LDB2: variants seen among roughly 807,000 people sequenced by gnomAD.
LDB2 encodes the protein LIM domain-binding protein 2.
Under a neutral mutation model 44.3 loss-of-function variants are expected in LDB2, and 12 were observed. That is an observed-to-expected ratio of 0.27 (90% CI 0.17 to 0.44). LDB2 has a LOEUF of 0.44. LDB2 is among the 20% of genes least tolerant of loss of function. The pLI, the probability that LDB2 is intolerant of heterozygous loss-of-function variation, is 1.00. For missense variants in LDB2, 344 were observed against 473.5 expected, an observed-to-expected ratio of 0.73 and a Z score of 2.54; for synonymous variants, 164 against 174.8, an observed-to-expected ratio of 0.94 and a Z score of 0.49.
At chr4:16,503,513 A>G (rs1186136193) in intron 7 of LDB2, among the ~76,000 whole-genome samples, 5 of 152,254 alleles carry the variant, frequency 3.3e-5, no homozygotes, top group Admixed American at 6.5e-5. Context: ...CGATAAAAAC[A>G]ATGTTCACAC....
At chr4:16,638,731 TG>T (rs1734307393) in intron 2 of LDB2, among the ~76,000 whole-genome samples, 1 of 152,198 alleles carries the variant, frequency 6.6e-6, no homozygotes, top group South Asian at 2.1e-4. Context: ...AGCACTGTGC[TG>T]GGTACTAGGA....
intron 2 of LDB2, among the ~76,000 whole-genome samples, chr4:16,621,211 A>G (rs1056878410): frequency 6.6e-6 from 1 of 152,220 alleles, no homozygotes; most frequent in Non-Finnish European, 1.5e-5. Flanking sequence ...TTCACAAACA[A>G]AAGCCAACTG....
intron 1 of LDB2, among the ~76,000 whole-genome samples, chr4:16,877,571 A>C (rs1580425221): frequency 6.6e-6 from 1 of 152,202 alleles, no homozygotes; most frequent in African/African-American, 2.4e-5. Flanking sequence ...AATTCTTGTC[A>C]CTGTTAGAGA....
intron 2 of LDB2, among the ~76,000 whole-genome samples, chr4:16,739,057 C>T (rs749581680): frequency 6.6e-6 from 1 of 152,030 alleles, no homozygotes; most frequent in Non-Finnish European, 1.5e-5. Flanking sequence ...AAAGAGAAGG[C>T]TTTTTCCAAT....
chr4:16,818,356 C>T (rs1403881153), intron 1 of LDB2, among the ~76,000 whole-genome samples: 1 of 152,176 alleles, frequency 6.6e-6, no homozygotes, highest in Non-Finnish European at 1.5e-5. Context: ...AGCCCCACTC[C>T]AGGCAGAACG....
At chr4:16,557,378 G>A (rs113388893) in intron 5 of LDB2, among the ~76,000 whole-genome samples, 3,478 of 152,286 alleles carry the variant, frequency 0.023, 60 homozygotes, top group Admixed American at 0.039. Context: ...CTTTTCCGAC[G>A]GGCTTAAAAA....
At chr4:16,592,503 TATAC>T (rs1471156306) in intron 3 of LDB2, among the ~76,000 whole-genome samples, 2 of 129,956 alleles carry the variant, frequency 1.5e-5, no homozygotes, top group African/African-American at 3.0e-5. Flanking sequence ...TATATATATA[TATAC>T]ACACACACAC....
chr4:16,684,272 C>T (rs992567663), intron 2 of LDB2, among the ~76,000 whole-genome samples: 6 of 152,144 alleles, frequency 3.9e-5, no homozygotes, highest in African/African-American at 1.2e-4. Context: ...AGTCATGACT[C>T]GAAGCAAGCT....
Position 16,569,718 on chromosome 4 carries a change from C to T in LDB2, c.615+16204G>A, listed in dbSNP as rs531112539. ...TCCAGCTGCTTGGCGTCAGTTTCCT[C>T]ATTTGCAGCATGGTATTTATTATTT... is the stretch of plus-strand genomic sequence containing the variant. On this transcript the variant is annotated intron_variant, in intron 5 of 7. Coordinates refer to ENST00000304523, the MANE Select transcript of LDB2 (RefSeq NM_001290.5). Among the ~76,000 whole-genome samples, 180 of 152,282 alleles carry T rather than the reference C, an allele frequency of 1.2e-3. 1 individual carries two copies. The highest frequency in any genetic ancestry group is 4.0e-3 in the African/African-American group (166 of 41,560).
Position 16,830,228 on chromosome 4 carries a change from A to T in LDB2, c.132+68126T>A, listed in dbSNP as rs150289316. Among the ~76,000 whole-genome samples the T allele has an allele frequency of 3.3e-5, 5 of 152,288 alleles. No homozygotes were observed. In the East Asian group the frequency reaches 9.7e-4, roughly 29 times the overall value. ...GTAATCCCCAGGTGTTGAGGGAGAG[A>T]CCTGGTGGGAGGTGATTGGATCATG... On this transcript the variant is annotated intron_variant, in intron 1 of 7. Coordinates refer to ENST00000304523, the MANE Select transcript of LDB2 (RefSeq NM_001290.5).
At chr4:16,798,598 G>GC (rs145320620) in intron 1 of LDB2, among the ~76,000 whole-genome samples, 1 of 152,106 alleles carries the variant, frequency 6.6e-6, no homozygotes, top group Non-Finnish European at 1.5e-5. Flanking sequence ...AGCTGAAAAT[G>GC]CCCCCCACCT....
intron 2 of LDB2, among the ~76,000 whole-genome samples, chr4:16,638,151 A>G (rs961924726): frequency 1.3e-5 from 2 of 152,228 alleles, no homozygotes; most frequent in South Asian, 4.1e-4. Flanking sequence ...ATGAGAATGC[A>G]AAGAAGGGAA....
At chr4:16,585,644 G>A (rs1421880867) in intron 5 of LDB2, among the ~76,000 whole-genome samples, 1 of 152,102 alleles carries the variant, frequency 6.6e-6, no homozygotes, top group Non-Finnish European at 1.5e-5. Context: ...CAGCCACAAA[G>A]CATTTTGCAA....
chr4:16,585,494 A>G (rs1716447099), intron 5 of LDB2, among the ~76,000 whole-genome samples: 2 of 152,184 alleles, frequency 1.3e-5, no homozygotes, highest in Admixed American at 1.3e-4. Flanking sequence ...TCTGTGTTTC[A>G]GCACGGGATT....
intron 1 of LDB2, among the ~76,000 whole-genome samples, chr4:16,882,536 T>C (rs1009714305): frequency 1.3e-5 from 2 of 152,144 alleles, no homozygotes; most frequent in African/African-American, 4.8e-5. Context: ...CTGGTATCCC[T>C]TCAAGGAGGT....
At chr4:16,570,199 C>T (rs1336859930) in intron 5 of LDB2, among the ~76,000 whole-genome samples, 3 of 152,186 alleles carry the variant, frequency 2.0e-5, no homozygotes, top group Admixed American at 6.6e-5. Context: ...CACAGTGACT[C>T]ATGCCTGTAA....
intron 2 of LDB2, among the ~76,000 whole-genome samples, chr4:16,698,439 T>A (rs1752686386): frequency 6.6e-6 from 1 of 152,200 alleles, no homozygotes; most frequent in African/African-American, 2.4e-5. Context: ...CAGGTCCCCA[T>A]TATGATCAAA....
At chr4:16,554,959 G>A (rs1738996628) in intron 5 of LDB2, among the ~76,000 whole-genome samples, 1 of 152,214 alleles carries the variant, frequency 6.6e-6, no homozygotes, top group Admixed American at 6.5e-5. Flanking sequence ...TCATTGATGT[G>A]ACAAATGTGC....
intron 2 of LDB2, among the ~76,000 whole-genome samples, chr4:16,638,336 T>C (rs1372385243): frequency 6.6e-6 from 1 of 152,218 alleles, no homozygotes; most frequent in Non-Finnish European, 1.5e-5. Flanking sequence ...GATGCATGTT[T>C]CTTACAAATG....
Sources: allele counts gnomAD v4.1 joint callset (sites outside exome capture counted in the v4.1 genomes callset), GRCh38; gene constraint gnomAD v4.1.1; transcripts MANE v1.5; gene names NCBI Gene and HGNC (gene_info 2026-07-23, HGNC 2026-07-21).